SDK1: variants seen among roughly 807,000 people sequenced by gnomAD.
SDK1 encodes sidekick cell adhesion molecule 1, also known as protein sidekick-1.
In SDK1, 157 loss-of-function variants were observed where a neutral mutation model predicts 245.5. That is an observed-to-expected ratio of 0.64 (90% CI 0.56 to 0.73). The LOEUF (loss-of-function observed/expected upper bound fraction) is 0.73. SDK1 is among the 30% of genes least tolerant of loss of function. The pLI is 0.00. For missense variants in SDK1, 3,583 were observed against 3,002.3 expected, an observed-to-expected ratio of 1.19 and a Z score of -4.52; for synonymous variants, 1,647 against 1,278.5, an observed-to-expected ratio of 1.29 and a Z score of -6.15.
chr7:3,871,254 C>A (rs6963033), intron 5 of SDK1, among the ~76,000 whole-genome samples: 3 of 151,938 alleles, frequency 2.0e-5, no homozygotes, highest in Non-Finnish European at 4.4e-5. Flanking sequence ...TTGGTCCTTA[C>A]ATATTGACCT....
In SDK1 at chr7:3,619,095, AT is replaced by A; in HGVS notation, c.318del (p.Phe106LeufsTer105). 6.2e-7 allele frequency: 1 copy of A among 1,603,800 alleles called. No homozygotes were observed. The highest frequency in any genetic ancestry group is 8.5e-7 in the Non-Finnish European group (1 of 1,173,110). On this transcript the variant is annotated frameshift_variant, in exon 2 of 45. Coordinates refer to ENST00000404826, the MANE Select transcript of SDK1 (RefSeq NM_152744.4). LOFTEE classifies it high-confidence loss of function. ...AATATTTCAGATGATGTTGCTCCATATTTTAAAACGGAGCCAGGCCTACCAC... is the reference window on the plus strand; with the variant it reads ...AATATTTCAGATGATGTTGCTCCATATTTAAAACGGAGCCAGGCCTACCAC... ...RALAQDDVAP[Y>X]FKTEPGLPQI...
chr7:3,956,160 C>G (rs926329841), intron 7 of SDK1, among the ~76,000 whole-genome samples: 1 of 152,176 alleles, frequency 6.6e-6, no homozygotes, highest in Admixed American at 6.5e-5. Context: ...GCAGAGTACC[C>G]TTTCTAGACA....
intron 35 of SDK1, 75 bp from the exon 36 acceptor site, chr7:4,205,804 A>G (rs983688532): frequency 7.9e-5 from 93 of 1,181,542 alleles, no homozygotes; most frequent in Admixed American, 1.8e-4. Flanking sequence ...CTCGAGCCCC[A>G]TGGGCATGTG....
chr7:3,357,326 GTGTTTTTTTTT>G lies in SDK1; in HGVS notation c.298+55444_298+55454del, dbSNP rs1780826732. Among the ~76,000 whole-genome samples the G allele has an allele frequency of 2.4e-4, 12 of 50,130 alleles. 1 individual carries two copies. The highest frequency in any genetic ancestry group is 6.4e-4 in the African/African-American group (10 of 15,600). The allele number at this position is 50,130 out of a possible 152,430, so 32.9% of individuals were successfully genotyped here. A position where few individuals can be genotyped will look rare whatever the true frequency, so the allele number is the denominator to read the frequency against. Reference sequence around the variant, plus strand: ...TTTTACTCTTGCTCCCCTTCTTTTAGTGTTTTTTTTTTTTTTTTTTTTTTTTTTTTTTTTTT... The same window carrying G: ...TTTTACTCTTGCTCCCCTTCTTTTAGTTTTTTTTTTTTTTTTTTTTTTTTT... On this transcript the variant is annotated intron_variant, in intron 1 of 44. Transcript: ENST00000404826.
intron 44 of SDK1, among the ~76,000 whole-genome samples, chr7:4,258,385 G>A (rs1014205915): frequency 1.3e-5 from 2 of 152,126 alleles, no homozygotes; most frequent in Non-Finnish European, 2.9e-5. Context: ...ATGCCCAAAG[G>A]GTCACCGAGT....
intron 4 of SDK1, among the ~76,000 whole-genome samples, chr7:3,817,667 C>G (rs763934559): frequency 1.3e-5 from 2 of 152,160 alleles, no homozygotes; most frequent in Admixed American, 1.3e-4. Flanking sequence ...GCTTCCCAGT[C>G]GATGCCTAGC....
Position 4,207,797 on chromosome 7 carries a change from G to A in SDK1, c.5215-302G>A, listed in dbSNP as rs184237786. The stretch of plus-strand genomic sequence containing the variant: ...GCAGCTGAAGGGCAGCTTCCCTTCC[G>A]TCCTCACAACTTATCTTCAACAGCG... On this transcript the variant is annotated intron_variant, in intron 36 of 44. Coordinates refer to ENST00000404826, the MANE Select transcript of SDK1 (RefSeq NM_152744.4). Among the ~76,000 whole-genome samples the A allele has an allele frequency of 5.9e-5, 9 of 152,240 alleles. No homozygotes were observed. The East Asian group carries it at 1.4e-3, about 23-fold the overall frequency.
intron 5 of SDK1, among the ~76,000 whole-genome samples, chr7:3,867,174 G>A (rs79422090): frequency 0.047 from 7,159 of 152,254 alleles, 539 homozygotes; most frequent in African/African-American, 0.16. Flanking sequence ...TTAGATTGAA[G>A]TGAAATTAAA....
rs533267447 is a variant in SDK1 at position 4,145,349 on chromosome 7, G to C, written c.4229-373G>C. On this transcript the variant is annotated intron_variant, in intron 28 of 44. Transcript: ENST00000404826. ...GAATTAAACGACTTCCTAAGAGAGC[G>C]ACGGGGAGAGCCAGACTGCAGGAGG... Among the ~76,000 whole-genome samples the C allele has an allele frequency of 4.6e-5, 7 of 152,272 alleles. No individual in the cohort carries two copies. In the East Asian group the frequency reaches 1.4e-3, roughly 30 times the overall value.
At chr7:4,196,344 C>T (rs991530947) in intron 35 of SDK1, among the ~76,000 whole-genome samples, 1 of 152,222 alleles carries the variant, frequency 6.6e-6, no homozygotes, top group Non-Finnish European at 1.5e-5. Context: ...ACACCCTGTG[C>T]ACTCCCTAGC....
At chr7:3,656,721 G>C (rs1333907466) in intron 4 of SDK1, among the ~76,000 whole-genome samples, 1 of 151,442 alleles carries the variant, frequency 6.6e-6, no homozygotes, top group Non-Finnish European at 1.5e-5. Context: ...TCTTATCTCA[G>C]GGTGTTTTGG....
intron 5 of SDK1, among the ~76,000 whole-genome samples, chr7:3,873,247 C>T (rs1014525679): frequency 6.6e-6 from 1 of 152,088 alleles, no homozygotes; most frequent in Non-Finnish European, 1.5e-5. Flanking sequence ...TTTCTTTAAA[C>T]ATTTGATGTA....
At chr7:3,831,521 T>C (rs941773785) in intron 5 of SDK1, among the ~76,000 whole-genome samples, 3 of 152,192 alleles carry the variant, frequency 2.0e-5, no homozygotes, top group African/African-American at 7.2e-5. Context: ...AATGAAAATA[T>C]ATTATTTTCT....
intron 4 of SDK1, among the ~76,000 whole-genome samples, chr7:3,797,463 A>C (rs959558246): frequency 9.1e-5 from 7 of 76,658 alleles, no homozygotes; most frequent in Non-Finnish European, 1.9e-4. Flanking sequence ...GTGTATACAC[A>C]CACACACACA....
At chr7:4,040,482 C>G (rs1427322038) in intron 17 of SDK1, among the ~76,000 whole-genome samples, 1 of 152,034 alleles carries the variant, frequency 6.6e-6, no homozygotes, top group Non-Finnish European at 1.5e-5. Context: ...AATCAAGGAC[C>G]CGGACACACA....
intron 20 of SDK1, among the ~76,000 whole-genome samples, chr7:4,076,460 G>A (rs1028076132): frequency 3.3e-5 from 5 of 152,216 alleles, no homozygotes; most frequent in African/African-American, 4.8e-5. Context: ...GGACGCTGAG[G>A]TGGGAGGATG....
intron 1 of SDK1, among the ~76,000 whole-genome samples, chr7:3,411,917 T>C (rs1418932551): frequency 6.6e-6 from 1 of 152,118 alleles, no homozygotes; most frequent in Non-Finnish European, 1.5e-5. Context: ...TTACGGGTAT[T>C]CCTAGGAAGA....
intron 4 of SDK1, among the ~76,000 whole-genome samples, chr7:3,704,134 A>G (rs139708577): frequency 1.3e-5 from 2 of 152,282 alleles, no homozygotes; most frequent in East Asian, 1.9e-4. Context: ...AAGTGAGAAC[A>G]TATGGTATTT....
At chr7:3,401,081 C>T (rs1057145481) in intron 1 of SDK1, among the ~76,000 whole-genome samples, 2 of 152,220 alleles carry the variant, frequency 1.3e-5, no homozygotes, top group South Asian at 2.1e-4. Flanking sequence ...CCCTCAGCTC[C>T]GTAATGTGTC....
Sources: allele counts gnomAD v4.1 joint callset (sites outside exome capture counted in the v4.1 genomes callset), GRCh38; gene constraint gnomAD v4.1.1; transcripts MANE v1.5; gene names NCBI Gene and HGNC (gene_info 2026-07-23, HGNC 2026-07-21).